FZD3: variants seen among roughly 807,000 people sequenced by gnomAD.
The protein encoded by FZD3 is frizzled class receptor 3, also known as frizzled-3.
A neutral mutation model predicts 60.7 loss-of-function variants in FZD3; 30 were observed. That is an observed-to-expected ratio of 0.49 (90% CI 0.37 to 0.67). FZD3 has a LOEUF of 0.67. Among genes scored for constraint, FZD3 ranks in the 30% least tolerant of loss-of-function variants. The pLI, the probability that FZD3 is intolerant of heterozygous loss-of-function variation, is 0.00. For synonymous variants in FZD3, 246 were observed against 275.2 expected, an observed-to-expected ratio of 0.89 and a Z score of 1.05; for missense variants, 605 against 838.7, an observed-to-expected ratio of 0.72 and a Z score of 3.44.
At chr8:28,503,468 C>G (rs974869505) in intron 3 of FZD3, among the ~76,000 whole-genome samples, 12 of 152,088 alleles carry the variant, frequency 7.9e-5, no homozygotes, top group African/African-American at 2.9e-4. Flanking sequence ...AGCAGCCATT[C>G]AGAAGTTTAA....
In FZD3 at chr8:28,569,088, TTTA is replaced by T. The variant is rs1421063322; in HGVS notation, c.*6086_*6088del. On this transcript the variant is annotated 3_prime_UTR_variant, in exon 8 of 8. Coordinates refer to ENST00000240093, the MANE Select transcript of FZD3 (RefSeq NM_017412.4). The stretch of plus-strand genomic sequence containing the variant: ...ATATTCCTGGAGTAGGATGGATTAC[TTTA>T]TTATTATTGTAGCTTTAAGGTTTTT... 2.6e-5 allele frequency: 4 copies of T among 151,954 alleles called. No homozygotes were observed. Among genetic ancestry groups the T allele is most frequent in the African/African-American group, 9.7e-5 (4 of 41,382 alleles). The allele number at this position is 151,954 out of a possible 1,614,324, so 9.4% of individuals were successfully genotyped here.
intron 5 of FZD3, among the ~76,000 whole-genome samples, chr8:28,550,416 C>T (rs1215016426): frequency 1.6e-5 from 2 of 123,744 alleles, no homozygotes; most frequent in African/African-American, 3.1e-5. Context: ...CAATAACCAA[C>T]TTTGGGTTAT....
At chr8:28,541,509 A>G (rs1156403941) in intron 5 of FZD3, among the ~76,000 whole-genome samples, 1 of 152,222 alleles carries the variant, frequency 6.6e-6, no homozygotes, top group Non-Finnish European at 1.5e-5. Context: ...ATTTACACAG[A>G]CAATGCAGTT....
rs1377496299 is a variant in FZD3 at position 28,568,147 on chromosome 8, G to A, written c.*5136G>A. On this transcript the variant is annotated 3_prime_UTR_variant, in exon 8 of 8. Transcript: ENST00000240093. ...CTCCATTCTTCACTCACAAAGGATA[G>A]CATTTTTATGGAACCTAGATTTACA... is the stretch of plus-strand genomic sequence containing the variant. 2.0e-5 allele frequency: 3 copies of A among 152,054 alleles called. No individual in the cohort carries two copies. The highest frequency in any genetic ancestry group is 2.9e-5 in the Non-Finnish European group (2 of 67,974). 9.4% of individuals were successfully genotyped at this position (152,054 alleles called of 1,614,324 possible).
chr8:28,537,293 A>G (rs1301271300), intron 5 of FZD3, among the ~76,000 whole-genome samples: 1 of 152,126 alleles, frequency 6.6e-6, no homozygotes. Context: ...GATAAAATAT[A>G]CAAGTTATTA....
chr8:28,521,282 A>G (rs1024177826), intron 4 of FZD3, among the ~76,000 whole-genome samples: 4 of 152,158 alleles, frequency 2.6e-5, no homozygotes, highest in African/African-American at 9.7e-5. Flanking sequence ...AAAATGTCAA[A>G]TACTTTTCAA....
At chr8:28,539,103 C>G (rs1585985591) in intron 5 of FZD3, among the ~76,000 whole-genome samples, 1 of 152,074 alleles carries the variant, frequency 6.6e-6, no homozygotes, top group East Asian at 1.9e-4. Context: ...TCAGGGATCC[C>G]CTACCCCCGA....
At position 28,508,299 on chromosome 8, in the gene FZD3, T is replaced by C. The variant is rs373716443; in HGVS notation, c.189+5097T>C. Among the ~76,000 whole-genome samples the C allele has an allele frequency of 4.6e-5, 7 of 152,308 alleles. No individual in the cohort carries two copies. In the East Asian group the frequency reaches 9.6e-4, roughly 21 times the overall value. ...AAATTCCGCGTCAAACTCTGAATCA[T>C]CAATTTCTTTAGGAAGCTCTGGTTC... On this transcript the variant is annotated intron_variant, in intron 3 of 7. Transcript: ENST00000240093.
chr8:28,541,500 T>C (rs1235781697), intron 5 of FZD3, among the ~76,000 whole-genome samples: 1 of 152,232 alleles, frequency 6.6e-6, no homozygotes, highest in Non-Finnish European at 1.5e-5. Context: ...ATATTTCTAA[T>C]TTACACAGAC....
At position 28,536,429 on chromosome 8, in the gene FZD3, C is replaced by T. The variant is rs183183300; in HGVS notation, c.1404+8265C>T. On this transcript the variant is annotated intron_variant, in intron 5 of 7. Coordinates refer to ENST00000240093, the MANE Select transcript of FZD3 (RefSeq NM_017412.4). ...TTCTTTAAAAATTATTTTTATAGTC[C>T]GGGCGCAGTGGCTCATGCCTGTAAT... Among the ~76,000 whole-genome samples, 41 of 152,192 alleles carry T rather than the reference C, an allele frequency of 2.7e-4. No individual in the cohort carries two copies. In the East Asian group the frequency reaches 4.1e-3, roughly 15 times the overall value.
chr8:28,499,890 T>C (rs1803945434), intron 1 of FZD3, 43 bp from the exon 2 acceptor site: 1 of 152,218 alleles, frequency 6.6e-6, no homozygotes, highest in Non-Finnish European at 1.5e-5. Context: ...TGTATATAAT[T>C]ACATAAACAA....
At chr8:28,561,355 C>T (rs954452065) in intron 7 of FZD3, among the ~76,000 whole-genome samples, 4 of 152,036 alleles carry the variant, frequency 2.6e-5, no homozygotes, top group Admixed American at 2.0e-4. Context: ...CTGCGCCCGG[C>T]CAAAAGACGT....
chr8:28,520,616 T>A, intron 3 of FZD3, 22 bp from the exon 4 acceptor site: 1 of 1,432,566 alleles, frequency 7.0e-7, no homozygotes, highest in Non-Finnish European at 9.5e-7. Context: ...TAACTAATTA[T>A]TCAATTTTAA....
intron 7 of FZD3, among the ~76,000 whole-genome samples, chr8:28,559,039 A>G (rs766299243): frequency 2.0e-5 from 3 of 152,236 alleles, no homozygotes; most frequent in Non-Finnish European, 4.4e-5. Flanking sequence ...GGAAAGAGAA[A>G]GGTCAGATTG....
intron 1 of FZD3, among the ~76,000 whole-genome samples, chr8:28,496,830 C>T (rs1451763666): frequency 6.6e-6 from 1 of 152,164 alleles, no homozygotes; most frequent in Non-Finnish European, 1.5e-5. Context: ...AAAACCAAAT[C>T]CTGGTCCCCA....
Position 28,527,312 on chromosome 8 carries a change from T to C in FZD3, c.552T>C (p.Asp184=). ...GTTATTCTTTTCTGCATGTGCGTGATTGTTCACCTCCTTGTCCAAATATGT... is the reference window on the plus strand; with the variant it reads ...GTTATTCTTTTCTGCATGTGCGTGACTGTTCACCTCCTTGTCCAAATATGT... ...DLGYSFLHVR[D]CSPPCPNMYF... is the part of the protein sequence containing the mutation. Residue 184 remains aspartate (D), a synonymous_variant, in exon 5 of 8, where the codon GAT becomes GAC. Coordinates refer to ENST00000240093, the MANE Select transcript of FZD3 (RefSeq NM_017412.4). This position sits in a 1 kb window ranked among gnomAD's most constrained non-coding sequence, Gnocchi z 5.0. 1 of 1,614,094 alleles carries C rather than the reference T, an allele frequency of 6.2e-7. No individual in the cohort carries two copies. The highest frequency in any genetic ancestry group is 8.5e-7 in the Non-Finnish European group (1 of 1,179,976).
At chr8:28,559,551 A>G (rs114004617) in intron 7 of FZD3, among the ~76,000 whole-genome samples, 1,988 of 152,296 alleles carry the variant, frequency 0.013, 36 homozygotes, top group African/African-American at 0.039. Context: ...AATAATGTGG[A>G]TGTTTCCCAG....
chr8:28,519,053 A>C (rs555170537), intron 3 of FZD3, among the ~76,000 whole-genome samples: 1 of 152,158 alleles, frequency 6.6e-6, no homozygotes, highest in Non-Finnish European at 1.5e-5. Flanking sequence ...ATCAGTTATT[A>C]TATTCATTTT....
At chr8:28,518,736 T>G (rs1804497869) in intron 3 of FZD3, among the ~76,000 whole-genome samples, 1 of 152,220 alleles carries the variant, frequency 6.6e-6, no homozygotes, top group African/African-American at 2.4e-5. Flanking sequence ...CAAGACCACC[T>G]ACAGCTCTGC....
Sources: allele counts gnomAD v4.1 joint callset (sites outside exome capture counted in the v4.1 genomes callset), GRCh38; gene constraint gnomAD v4.1.1; non-coding constraint Gnocchi (gnomAD v3.1); transcripts MANE v1.5; gene names NCBI Gene and HGNC (gene_info 2026-07-23, HGNC 2026-07-21).